PLBD2: variants seen among roughly 807,000 people sequenced by gnomAD.
PLBD2 encodes the protein putative aminopeptidase PLBD2.
Under a neutral mutation model 68.3 loss-of-function variants are expected in PLBD2, and 51 were observed. That is an observed-to-expected ratio of 0.75 (90% CI 0.60 to 0.94). The LOEUF is 0.94. PLBD2 is among the 40% of genes least tolerant of loss of function. PLBD2 has a pLI of 0.00. For missense variants in PLBD2, 729 were observed against 792.2 expected, an observed-to-expected ratio of 0.92 and a Z score of 0.96; for synonymous variants, 314 against 339.3, an observed-to-expected ratio of 0.93 and a Z score of 0.82.
intron 3 of PLBD2, 89 bp from the exon 4 acceptor site, chr12:113,374,385 C>G (rs1957418078): frequency 1.1e-6 from 1 of 909,484 alleles, no homozygotes; most frequent in African/African-American, 1.6e-5. Flanking sequence ...CTGTCTGAAC[C>G]CCCAGGCCAG....
Position 113,368,743 on chromosome 12 carries a change from G to C in PLBD2, c.291-373G>C, listed in dbSNP as rs980531637. 6.6e-5 allele frequency among the ~76,000 whole-genome samples: 10 copies of C among 152,238 alleles called. No homozygotes were observed. In the East Asian group the frequency reaches 1.9e-3, roughly 29 times the overall value. On this transcript the variant is annotated intron_variant, in intron 1 of 11. Transcript: ENST00000280800. The stretch of plus-strand genomic sequence containing the variant: ...GACAAGATGGGGACGTGCCCACCTT[G>C]TAGGATTATAGGGGACTCAATGAGT...
chr12:113,388,570 C>A lies in PLBD2; in HGVS notation c.1714C>A (p.His572Asn). The A allele has an allele frequency of 6.2e-7, 1 of 1,610,702 alleles. No individual in the cohort carries two copies. Residue 572 changes from histidine (H) to asparagine (N), a missense_variant, in exon 12 of 12, where the codon CAC becomes AAC. Coordinates refer to ENST00000280800, the MANE Select transcript of PLBD2 (RefSeq NM_173542.4). ...WSTSPFSGLL[H>N]MGQPDLWKFA... is the part of the protein sequence containing the mutation. ...CACCTCGCCCTTCAGCGGCCTGCTG[C>A]ACATGGGCCAGCCAGACCTCTGGAA...
chr12:113,385,133 C>T lies in PLBD2; in HGVS notation c.1215-79C>T, dbSNP rs574142960. Reference sequence around the variant, plus strand: ...CATCCTCCAGGCAATGGGGAGCCATCGGGGCTCCCCGAGCAGGGCAGTGCC... The same window carrying T: ...CATCCTCCAGGCAATGGGGAGCCATTGGGGCTCCCCGAGCAGGGCAGTGCC... On this transcript the variant is annotated intron_variant, in intron 8 of 11. Coordinates refer to ENST00000280800, the MANE Select transcript of PLBD2 (RefSeq NM_173542.4). The T allele has an allele frequency of 1.9e-5, 28 of 1,468,722 alleles. No homozygotes were observed. The East Asian group carries it at 4.6e-4, about 24-fold the overall frequency. The allele number at this position is 1,468,722 out of a possible 1,614,324, so 91.0% of individuals were successfully genotyped here.
In PLBD2 at chr12:113,378,560, C is replaced by T. The variant is rs527645434; in HGVS notation, c.860-2185C>T. 2.6e-5 allele frequency among the ~76,000 whole-genome samples: 4 copies of T among 152,186 alleles called. No individual in the cohort carries two copies. In the South Asian group the frequency reaches 6.2e-4, roughly 24 times the overall value. On this transcript the variant is annotated intron_variant, in intron 5 of 11. Coordinates refer to ENST00000280800, the MANE Select transcript of PLBD2 (RefSeq NM_173542.4). ...TTACTTATTTTGAGACAGGGTCTCA[C>T]TGTGTTGCCCAGGCTGGTCACAAAC...
At chr12:113,370,375 T>C (rs1431224136) in intron 2 of PLBD2, among the ~76,000 whole-genome samples, 4 of 152,058 alleles carry the variant, frequency 2.6e-5, no homozygotes, top group Non-Finnish European at 5.9e-5. Flanking sequence ...GGTTTTAGTT[T>C]GGATGTTCAT....
intron 4 of PLBD2, 46 bp from the exon 5 acceptor site, chr12:113,374,747 A>AGG: frequency 1.3e-6 from 2 of 1,598,588 alleles, no homozygotes; most frequent in Non-Finnish European, 1.7e-6. Context: ...ACATAACAGC[A>AGG]CTCACAGCAG....
rs199570782 is a variant in PLBD2 at position 113,369,239 on chromosome 12, C to G, written c.384+30C>G. On this transcript the variant is annotated intron_variant, in intron 2 of 11. Coordinates refer to ENST00000280800, the MANE Select transcript of PLBD2 (RefSeq NM_173542.4). Reference sequence around the variant, plus strand: ...GGGCCAAGGTGGGGACATGGGGCTCCCACCCTGCCCCAGCCCCACAAGCAT... The same window carrying G: ...GGGCCAAGGTGGGGACATGGGGCTCGCACCCTGCCCCAGCCCCACAAGCAT... The G allele has an allele frequency of 6.5e-6, 10 of 1,530,766 alleles. No homozygotes were observed. The African/African-American group carries it at 1.4e-4, about 21-fold the overall frequency. The allele number at this position is 1,530,766 out of a possible 1,614,324, so 94.8% of individuals were successfully genotyped here.
Position 113,358,809 on chromosome 12 carries a change from C to T in PLBD2, c.209C>T (p.Ala70Val). ...RSRSVLLDVS[A>V]GQLLMVDGRH... is the part of the protein sequence containing the mutation. ...CGCTCGGTGCTCCTGGACGTCTCGG[C>T]GGGCCAGCTGCTTATGGTGGACGGA... The change falls in exon 1 of 12, where the codon GCG becomes GTG. Residue 70 changes from alanine (A) to valine (V), a missense_variant. Physicochemically the swap from Ala to Val is moderately conservative, Grantham distance 64 (BLOSUM62 0). Transcript: ENST00000280800. The T allele has an allele frequency of 1.3e-6, 2 of 1,493,578 alleles. No individual in the cohort carries two copies. The highest frequency in any genetic ancestry group is 8.9e-7 in the Non-Finnish European group (1 of 1,125,114). 92.5% of individuals were successfully genotyped at this position (1,493,578 alleles called of 1,614,324 possible). A position where few individuals can be genotyped will look rare whatever the true frequency, so the allele number is the denominator to read the frequency against.
At chr12:113,370,472 C>CTTTTTTTTT (rs71086162) in intron 2 of PLBD2, among the ~76,000 whole-genome samples, 15 of 103,642 alleles carry the variant, frequency 1.4e-4, no homozygotes, top group Non-Finnish European at 2.0e-4. Context: ...TTTTTCTTTT[C>CTTTTTTTTT]TTTTTTTTTT....
In PLBD2 at chr12:113,374,870, C is replaced by A; in HGVS notation, c.722C>A (p.Ser241Tyr). The change falls in exon 5 of 12, where the codon TCT (serine) becomes TAT (tyrosine). Residue 241 changes from serine (S) to tyrosine (Y), a missense_variant. Physicochemically the swap from Ser to Tyr is moderately radical, Grantham distance 144 (BLOSUM62 -2). Transcript: ENST00000280800. ...NKTKIKPSLG[S>Y]GSCSALIKLL... ...ACCAAGATCAAACCTTCTCTGGGCT[C>A]TGGCTCCTGTTCTGCCCTCATCAAG... is the stretch of plus-strand genomic sequence containing the variant. 6.2e-7 allele frequency: 1 copy of A among 1,614,020 alleles called. No homozygotes were observed. The highest frequency in any genetic ancestry group is 8.5e-7 in the Non-Finnish European group (1 of 1,180,032).
In PLBD2 at chr12:113,384,882, A is replaced by G. The variant is rs1451543400; in HGVS notation, c.1150A>G (p.Lys384Glu). The change falls in exon 8 of 12, where the codon AAG (lysine) becomes GAG (glutamate). Residue 384 changes from lysine to glutamate, a missense_variant. By Grantham distance (56) the Lys-to-Glu change is moderately conservative. Coordinates refer to ENST00000280800, the MANE Select transcript of PLBD2 (RefSeq NM_173542.4). The surrounding 1 kb of genome is among the most constrained non-coding windows in gnomAD (Gnocchi z 4.2). Reference protein sequence around the residue: ...YNNQWMIVDYKAFIPGGPSPG... With the variant: ...YNNQWMIVDYEAFIPGGPSPG... ...CAACCAGTGGATGATCGTGGACTAC[A>G]AGGCGTTCATCCCGGGTGGGCCCAG... The G allele has an allele frequency of 6.2e-7, 1 of 1,613,968 alleles. No individual in the cohort carries two copies. Among genetic ancestry groups the G allele is most frequent in the South Asian group, 1.1e-5 (1 of 91,064 alleles).
intron 1 of PLBD2, among the ~76,000 whole-genome samples, chr12:113,362,392 T>C (rs892120837): frequency 6.6e-6 from 1 of 151,668 alleles, no homozygotes; most frequent in African/African-American, 2.4e-5. Context: ...TCCCACATAA[T>C]GGAGAGCATC....
At chr12:113,380,627 G>A (rs976718938) in intron 5 of PLBD2, 118 bp from the exon 6 acceptor site, 3 of 744,888 alleles carry the variant, frequency 4.0e-6, no homozygotes, top group African/African-American at 1.7e-5. Flanking sequence ...AAAGGACACA[G>A]TGGGGGCTTC....
chr12:113,370,151 C>T (rs1000736052), intron 2 of PLBD2, among the ~76,000 whole-genome samples: 1 of 152,086 alleles, frequency 6.6e-6, no homozygotes, highest in Admixed American at 6.6e-5. Context: ...CCGCCCACCT[C>T]GGCCTCCCAA....
At chr12:113,375,618 C>A (rs1016710749) in intron 5 of PLBD2, among the ~76,000 whole-genome samples, 4 of 152,226 alleles carry the variant, frequency 2.6e-5, no homozygotes, top group Admixed American at 2.0e-4. Context: ...CTGGGCCAGG[C>A]TGATCTTGGC....
In PLBD2 at chr12:113,384,280, G is replaced by A; in HGVS notation, c.1118+15G>A. On this transcript the variant is annotated intron_variant, in intron 7 of 11. Coordinates refer to ENST00000280800, the MANE Select transcript of PLBD2 (RefSeq NM_173542.4). The surrounding 1 kb of genome is among the most constrained non-coding windows in gnomAD (Gnocchi z 4.2). Reference sequence around the variant, plus strand: ...AACAGCGGCACGTGAGTGGGCTTCTGGCCCTGTGGCTTCCCCTGCACCAAG... The same window carrying A: ...AACAGCGGCACGTGAGTGGGCTTCTAGCCCTGTGGCTTCCCCTGCACCAAG... 1 of 1,600,156 alleles carries A rather than the reference G, an allele frequency of 6.2e-7. No homozygotes were observed. The highest frequency in any genetic ancestry group is 8.5e-7 in the Non-Finnish European group (1 of 1,171,946).
intron 3 of PLBD2, among the ~76,000 whole-genome samples, chr12:113,373,271 C>T (rs1957405695): frequency 6.6e-6 from 1 of 152,252 alleles, no homozygotes; most frequent in Non-Finnish European, 1.5e-5. Flanking sequence ...CGGAGAGGCC[C>T]AGGCAGGCTC....
At chr12:113,378,665 C>T (rs1331102991) in intron 5 of PLBD2, among the ~76,000 whole-genome samples, 2 of 151,328 alleles carry the variant, frequency 1.3e-5, no homozygotes, top group African/African-American at 2.4e-5. Flanking sequence ...CTGGGTCCCA[C>T]TGTGCCTTTT....
chr12:113,375,251 T>C, intron 5 of PLBD2: 1 of 526,948 alleles, frequency 1.9e-6, no homozygotes, highest in South Asian at 2.2e-5. Context: ...GCTCAGATTA[T>C]CCTCCTGCCT....
Sources: allele counts gnomAD v4.1 joint callset (sites outside exome capture counted in the v4.1 genomes callset), GRCh38; gene constraint gnomAD v4.1.1; non-coding constraint Gnocchi (gnomAD v3.1); transcripts MANE v1.5; gene names NCBI Gene and HGNC (gene_info 2026-07-23, HGNC 2026-07-21).